The following ZNF81 variants were observed in gnomAD, a reference collection of about 807,000 sequenced individuals.
The protein encoded by ZNF81 is zinc finger protein 81.
ZNF81 carries 5 observed loss-of-function variants against 32.3 expected under a neutral mutation model. The observed-to-expected ratio is 0.15, with a 90% CI of 0.08 to 0.33. The LOEUF (loss-of-function observed/expected upper bound fraction) is 0.33. ZNF81 is among the 10% of genes least tolerant of loss of function. ZNF81 has a pLI of 1.00. For missense variants in ZNF81, 379 were observed against 479.8 expected (o/e 0.79, Z 1.96); for synonymous variants, 163 against 166.8 (o/e 0.98, Z 0.17).
At chrX:47,895,815 A>G (rs1556887105) in intron 3 of ZNF81, 30 bp from the exon 4 acceptor site, 1 of 1,109,940 alleles carries the variant, frequency 9.0e-7, no homozygotes, top group Admixed American at 2.2e-5. Flanking sequence ...AATTTGCTGG[A>G]CCCAATTCTC....
At chrX:47,880,074 G>A (rs1007652751) in intron 2 of ZNF81, among the ~76,000 whole-genome samples, 2 of 112,086 alleles carry the variant, frequency 1.8e-5, no homozygotes, top group Admixed American at 9.4e-5. Flanking sequence ...CTTCATAGGT[G>A]GTGTTGAACA....
At chrX:47,908,641 A>G (rs1381631001) in intron 4 of ZNF81, among the ~76,000 whole-genome samples, 7 of 112,405 alleles carry the variant, frequency 6.2e-5, no homozygotes, top group African/African-American at 2.3e-4. Flanking sequence ...TCAAATGTCC[A>G]TCAGTGGGAG....
rs955644792 is a variant in ZNF81, at chrX:47,841,885, C to T, written c.-163-4220C>T. On this transcript the variant is annotated intron_variant, in intron 1 of 4. Coordinates refer to ENST00000338637, the MANE Select transcript of ZNF81 (RefSeq NM_007137.5). ...TCCGCTTAGTTTGAGTTTTCTTTTTCTAGTTTCTTGAGGTGGGAGCTTAGA... is the reference window on the plus strand; with the variant it reads ...TCCGCTTAGTTTGAGTTTTCTTTTTTTAGTTTCTTGAGGTGGGAGCTTAGA... 9.0e-5 allele frequency among the ~76,000 whole-genome samples: 10 copies of T among 111,162 alleles called. No individual in the cohort carries two copies. The East Asian group carries it at 2.8e-3, about 31-fold the overall frequency.
intron 4 of ZNF81, among the ~76,000 whole-genome samples, chrX:47,899,465 G>C (rs1292020136): frequency 9.1e-6 from 1 of 110,438 alleles, no homozygotes; most frequent in Non-Finnish European, 1.9e-5. Context: ...TGATTATGAC[G>C]TATTAGCTTT....
chrX:47,907,680 C>T (rs1556889325), intron 4 of ZNF81, among the ~76,000 whole-genome samples: 1 of 111,674 alleles, frequency 9.0e-6, no homozygotes, highest in African/African-American at 3.2e-5. Flanking sequence ...AAAGAAAACA[C>T]AGATTATCAA....
intron 3 of ZNF81, among the ~76,000 whole-genome samples, chrX:47,891,359 C>T (rs1325383919): frequency 8.9e-6 from 1 of 112,694 alleles, no homozygotes; most frequent in Non-Finnish European, 1.9e-5. Flanking sequence ...ATTTTCTGCA[C>T]AGGCCAAATA....
intron 2 of ZNF81, among the ~76,000 whole-genome samples, chrX:47,856,580 C>T (rs1320181278): frequency 5.4e-5 from 6 of 111,844 alleles, no homozygotes; most frequent in African/African-American, 2.0e-4. Flanking sequence ...ACATCGTCAG[C>T]AGATAGGAAA....
intron 2 of ZNF81, among the ~76,000 whole-genome samples, chrX:47,884,225 A>G (rs1433734252): frequency 2.4e-5 from 2 of 83,645 alleles, no homozygotes; most frequent in African/African-American, 9.1e-5. Context: ...AGCCTGGGCG[A>G]CAGAGCGAGA....
intron 4 of ZNF81, among the ~76,000 whole-genome samples, chrX:47,907,879 A>G (rs782714051): frequency 1.8e-5 from 2 of 112,022 alleles, no homozygotes; most frequent in Admixed American, 9.5e-5. Context: ...ATTTCTATCT[A>G]TTAAAGAAAT....
At chrX:47,842,686 T>C (rs2058454701) in intron 1 of ZNF81, 1 of 111,887 alleles carries the variant, frequency 8.9e-6, no homozygotes, top group African/African-American at 3.3e-5. Flanking sequence ...GTGCAGTTTG[T>C]GTGATCTCAA....
intron 1 of ZNF81, among the ~76,000 whole-genome samples, chrX:47,844,965 C>CAATCA (rs2058464812): frequency 8.9e-6 from 1 of 111,984 alleles, no homozygotes; most frequent in African/African-American, 3.2e-5. Context: ...TCTTATGTTA[C>CAATCA]GATCAGAGAA....
intron 1 of ZNF81, among the ~76,000 whole-genome samples, chrX:47,843,465 ATT>A (rs1556880054): frequency 6.5e-4 from 70 of 108,003 alleles, no homozygotes; most frequent in African/African-American, 2.0e-3. Context: ...ACACACACAC[ATT>A]CTTGACTCCT....
Position 47,922,628 on chromosome X carries a change from C to T in ZNF81, c.*5996C>T, listed in dbSNP as rs782035614. On this transcript the variant is annotated 3_prime_UTR_variant, in exon 5 of 5. Coordinates refer to ENST00000338637, the MANE Select transcript of ZNF81 (RefSeq NM_007137.5). Reference sequence around the variant, plus strand: ...TGACCTTGGGAAAGTTAGTTAACCTCTGTCCTGATGGTTTTCATCTATAAA... The same window carrying T: ...TGACCTTGGGAAAGTTAGTTAACCTTTGTCCTGATGGTTTTCATCTATAAA... Among the ~76,000 whole-genome samples, 9 of 111,805 alleles carry T rather than the reference C, an allele frequency of 8.0e-5. No individual in the cohort carries two copies. The highest frequency in any genetic ancestry group is 2.9e-4 in the African/African-American group (9 of 30,772).
rs2058752677 is a variant in ZNF81, at chrX:47,915,327, T to C, written c.681T>C (p.Phe227=). Residue 227 remains phenylalanine, a synonymous_variant, in exon 5 of 5, where the codon TTT becomes TTC. Coordinates refer to ENST00000338637, the MANE Select transcript of ZNF81 (RefSeq NM_007137.5). ...LDKTIGHGQV[F]TQNSSYSHHE... ...AAACTATTGGGCATGGTCAAGTTTT[T>C]ACCCAGAACTCTTCTTATAGTCACC... 3 of 1,211,780 alleles carry C rather than the reference T, an allele frequency of 2.5e-6. No individual in the cohort carries two copies. Among genetic ancestry groups the C allele is most frequent in the Non-Finnish European group, 3.4e-6 (3 of 895,491 alleles).
chrX:47,905,529 G>A (rs2058718395), intron 4 of ZNF81, among the ~76,000 whole-genome samples: 1 of 107,160 alleles, frequency 9.3e-6, no homozygotes, highest in African/African-American at 3.4e-5. Flanking sequence ...GGCCTATCTT[G>A]ATTTTATAAT....
At position 47,925,528 on chromosome X, in the gene ZNF81, GA is replaced by G. The variant is rs2058787910; in HGVS notation, c.*8897del. On this transcript the variant is annotated 3_prime_UTR_variant, in exon 5 of 5. Transcript: ENST00000338637. ...TTGCTAAGTGTTATTTCATTATATG[GA>G]CATACCAGAATTTGTTTATCCATTC... 1.8e-5 allele frequency among the ~76,000 whole-genome samples: 2 copies of G among 111,781 alleles called. No individual in the cohort carries two copies. Among genetic ancestry groups the G allele is most frequent in the South Asian group, 7.4e-4 (2 of 2,714 alleles).
At chrX:47,907,772 TC>T (rs1275912492) in intron 4 of ZNF81, among the ~76,000 whole-genome samples, 5 of 111,146 alleles carry the variant, frequency 4.5e-5, no homozygotes, top group Non-Finnish European at 9.5e-5. Context: ...ACCAACTTTA[TC>T]CCCCAACATT....
At position 47,924,365 on chromosome X, in the gene ZNF81, T is replaced by G. The variant is rs1250687953; in HGVS notation, c.*7733T>G. On this transcript the variant is annotated 3_prime_UTR_variant, in exon 5 of 5. Coordinates refer to ENST00000338637, the MANE Select transcript of ZNF81 (RefSeq NM_007137.5). Reference sequence around the variant, plus strand: ...TGTGCCTTTCTGCCATATGATTCTTTTTTTATTCTTGAAGTTAAGGATCTA... The same window carrying G: ...TGTGCCTTTCTGCCATATGATTCTTGTTTTATTCTTGAAGTTAAGGATCTA... Among the ~76,000 whole-genome samples, 1 of 112,312 alleles carries G rather than the reference T, an allele frequency of 8.9e-6. No individual in the cohort carries two copies. The highest frequency in any genetic ancestry group is 1.9e-5 in the Non-Finnish European group (1 of 53,246).
At chrX:47,913,968 T>C (rs1381984759) in intron 4 of ZNF81, among the ~76,000 whole-genome samples, 1 of 111,740 alleles carries the variant, frequency 8.9e-6, no homozygotes. Context: ...ATTTAATATT[T>C]AGGCAAGAAG....
Sources: allele counts gnomAD v4.1 joint callset (sites outside exome capture counted in the v4.1 genomes callset), GRCh38; gene constraint gnomAD v4.1.1; transcripts MANE v1.5; gene names NCBI Gene and HGNC (gene_info 2026-07-23, HGNC 2026-07-21).